Variants in SLC7A6 observed in about 807,000 individuals in gnomAD.
SLC7A6 encodes solute carrier family 7 member 6, also known as Y+L amino acid transporter 2.
In SLC7A6, 29 loss-of-function variants were observed where a neutral mutation model predicts 46.6. The ratio of observed to expected loss-of-function variants is 0.62; its 90% CI spans 0.46 to 0.85. The LOEUF (loss-of-function observed/expected upper bound fraction) is 0.85. Ranked by LOEUF, SLC7A6 falls within the 40% of genes least tolerant of loss-of-function variation. The pLI is 0.00. For synonymous variants in SLC7A6, 276 were observed against 257.3 expected (o/e 1.07, Z -0.70); for missense variants, 527 against 647.6 (o/e 0.81, Z 2.02).
intron 3 of SLC7A6, chr16:68,284,665 A>T: frequency 1.0e-6 from 1 of 985,256 alleles, no homozygotes; most frequent in Non-Finnish European, 1.2e-6. Flanking sequence ...AGTGGGTCTG[A>T]GGAGTGTATC....
chr16:68,293,959 G>A (rs1455989253), intron 7 of SLC7A6, among the ~76,000 whole-genome samples: 1 of 152,070 alleles, frequency 6.6e-6, no homozygotes, highest in Non-Finnish European at 1.5e-5. Context: ...GTGCAATGGT[G>A]CGATCTCGGC....
Position 68,275,213 on chromosome 16 carries a change from T to C in SLC7A6, c.487T>C (p.Tyr163His). 1 of 1,577,542 alleles carries C rather than the reference T, an allele frequency of 6.3e-7. No homozygotes were observed. The highest frequency in any genetic ancestry group is 1.7e-5 in the Admixed American group (1 of 58,892). Residue 163 changes from tyrosine (Y) to histidine (H), a missense_variant, in exon 3 of 11, where the codon TAC (tyrosine) becomes CAC (histidine). Tyr to His is a moderately conservative substitution (Grantham distance 83). Coordinates refer to ENST00000219343, the MANE Select transcript of SLC7A6 (RefSeq NM_003983.6). ...GTCCTTCCCCAGCTGTGATCCCCCA[T>C]ACCTGGCCTGCCGTCTCCTGGCTGC... ...QPSFPSCDPP[Y>H]LACRLLAAAC... is the part of the protein sequence containing the mutation.
chr16:68,291,857 C>T, intron 7 of SLC7A6, 196 bp downstream of exon 7: 1 of 563,162 alleles, frequency 1.8e-6, no homozygotes, highest in East Asian at 2.9e-5. Context: ...ATGCTGGTAG[C>T]TCATGTTTCC....
At chr16:68,286,600 T>C (rs1211816410) in intron 3 of SLC7A6, among the ~76,000 whole-genome samples, 1 of 152,234 alleles carries the variant, frequency 6.6e-6, no homozygotes, top group African/African-American at 2.4e-5. Flanking sequence ...CAGATGTCAC[T>C]GCGTTCCTTC....
At chr16:68,293,992 G>A (rs963849167) in intron 7 of SLC7A6, among the ~76,000 whole-genome samples, 9 of 152,140 alleles carry the variant, frequency 5.9e-5, no homozygotes, top group Non-Finnish European at 1.0e-4. Context: ...CCGCCTCCTG[G>A]ATTCAAGTGA....
At position 68,294,786 on chromosome 16, in the gene SLC7A6, T is replaced by TG; in HGVS notation, c.1105dup (p.Ala369GlyfsTer79). 1.9e-6 allele frequency: 3 copies of TG among 1,613,412 alleles called. No individual in the cohort carries two copies. Among genetic ancestry groups the TG allele is most frequent in the Non-Finnish European group, 2.5e-6 (3 of 1,179,318 alleles). On this transcript the variant is annotated frameshift_variant, in exon 8 of 11. Transcript: ENST00000219343. LOFTEE classifies it high-confidence loss of function. ...ACATTGAGCGTTTTACACCTATCCCTGCTTTACTGTTCAATGTAAGCTTTG... is the reference window on the plus strand; with the variant it reads ...ACATTGAGCGTTTTACACCTATCCCTGGCTTTACTGTTCAATGTAAGCTTTG...
In SLC7A6 at chr16:68,299,035, A is replaced by G. The variant is rs2043223533; in HGVS notation, c.*1707A>G. 2 of 152,616 alleles carry G rather than the reference A, an allele frequency of 1.3e-5. No homozygotes were observed. The highest frequency in any genetic ancestry group is 4.8e-5 in the African/African-American group (2 of 41,440). The allele number at this position is 152,616 out of a possible 1,614,324, so 9.5% of individuals were successfully genotyped here. A position where few individuals can be genotyped will look rare whatever the true frequency, so the allele number is the denominator to read the frequency against. The stretch of plus-strand genomic sequence containing the variant: ...ATGGTCATAGTTGCCCTGGGTTCAG[A>G]GCATAATGCATATGTGAAGCATGGG... On this transcript the variant is annotated 3_prime_UTR_variant, in exon 11 of 11. Transcript: ENST00000219343.
At position 68,301,106 on chromosome 16, in the gene SLC7A6, C is replaced by T. The variant is rs540107508; in HGVS notation, c.*3778C>T. The T allele has an allele frequency of 7.4e-7, 1 of 1,343,594 alleles. No homozygotes were observed. Among genetic ancestry groups the T allele is most frequent in the African/African-American group, 1.5e-5 (1 of 67,598 alleles). 83.2% of individuals were successfully genotyped at this position (1,343,594 alleles called of 1,614,324 possible). A position where few individuals can be genotyped will look rare whatever the true frequency, so the allele number is the denominator to read the frequency against. ...ACTGTAAGTGGAAAAGACTCACTCC[C>T]CTAACATAAGTTTTCACTGTGGTGG... is the stretch of plus-strand genomic sequence containing the variant. On this transcript the variant is annotated 3_prime_UTR_variant, in exon 11 of 11. Transcript: ENST00000219343.
At chr16:68,282,428 C>A (rs533443543) in intron 3 of SLC7A6, among the ~76,000 whole-genome samples, 74 of 152,000 alleles carry the variant, frequency 4.9e-4, no homozygotes, top group African/African-American at 1.4e-3. Flanking sequence ...AAACAAAAAA[C>A]CACAAAAAAA....
At chr16:68,282,511 G>A (rs1288990560) in intron 3 of SLC7A6, among the ~76,000 whole-genome samples, 4 of 152,182 alleles carry the variant, frequency 2.6e-5, no homozygotes, top group Non-Finnish European at 5.9e-5. Flanking sequence ...CTGATTCTGG[G>A]ATCCCCATTT....
In SLC7A6 at chr16:68,291,589, G is replaced by A; in HGVS notation, c.950G>A (p.Ser317Asn). ...GCTGACCAGACGTTTGGCATGTTCA[G>A]CTGGACCATCCCCATTGCTGTTGCC... The part of the protein sequence containing the change: ...TFADQTFGMF[S>N]WTIPIAVALS... Residue 317 changes from serine to asparagine, a missense_variant, in exon 7 of 11, where the codon AGC becomes AAC. Transcript: ENST00000219343. 1.2e-6 allele frequency: 2 copies of A among 1,614,170 alleles called. No individual in the cohort carries two copies. Among genetic ancestry groups the A allele is most frequent in the Non-Finnish European group, 1.7e-6 (2 of 1,180,026 alleles).
chr16:68,293,842 C>T (rs894463006), intron 7 of SLC7A6, among the ~76,000 whole-genome samples: 11 of 152,216 alleles, frequency 7.2e-5, no homozygotes, highest in South Asian at 2.1e-4. Context: ...GAGTGAGTGT[C>T]GTGTACTCCA....
chr16:68,291,762 G>GTGTGTGTGTGTGTGTGTGTGTGTGTGTGT, intron 7 of SLC7A6, 101 bp downstream of exon 7: 6 of 545,990 alleles, frequency 1.1e-5, no homozygotes, highest in African/African-American at 2.2e-5. Flanking sequence ...GGGCATATAG[G>GTGTGTGTGTGTGTGTGTGTGTGTGTGTGT]GTGTGTGTGT....
At chr16:68,281,880 T>C (rs1396544405) in intron 3 of SLC7A6, among the ~76,000 whole-genome samples, 1 of 152,238 alleles carries the variant, frequency 6.6e-6, no homozygotes, top group African/African-American at 2.4e-5. Context: ...AAGTAGTTCA[T>C]TGCTGACACA....
chr16:68,300,765 T>C lies in SLC7A6; in HGVS notation c.*3437T>C, dbSNP rs1231245440. On this transcript the variant is annotated 3_prime_UTR_variant, in exon 11 of 11. Transcript: ENST00000219343. ...ATAGCTGTTAACTAAAATCTCCCAC[T>C]GCTCAGACTACTTTCTGCCCTAATG... 23 of 985,534 alleles carry C rather than the reference T, an allele frequency of 2.3e-5. No homozygotes were observed. Among genetic ancestry groups the C allele is most frequent in the Non-Finnish European group, 2.7e-5 (22 of 829,992 alleles). 61.0% of individuals were successfully genotyped at this position (985,534 alleles called of 1,614,324 possible).
At chr16:68,283,785 G>T (rs1260671297) in intron 3 of SLC7A6, among the ~76,000 whole-genome samples, 1 of 152,240 alleles carries the variant, frequency 6.6e-6, no homozygotes, top group Non-Finnish European at 1.5e-5. Flanking sequence ...ATGAGATCAG[G>T]AGAAGAGGGA....
intron 2 of SLC7A6, among the ~76,000 whole-genome samples, chr16:68,269,285 T>C (rs771530028): frequency 2.6e-5 from 4 of 152,198 alleles, no homozygotes; most frequent in Non-Finnish European, 5.9e-5. Flanking sequence ...TTCCTCTTGA[T>C]AGTGGGTTGT....
chr16:68,274,995 T>TG lies in SLC7A6; in HGVS notation c.269_270insG (p.Phe90LeufsTer47). ...ATTGTGTGGGCCATTGGTGGGCTCTTCTCTGTTGTGGGTGCCCTTTGTTAT... is the reference window on the plus strand; with the variant it reads ...ATTGTGTGGGCCATTGGTGGGCTCTTGCTCTGTTGTGGGTGCCCTTTGTTAT... On this transcript the variant is annotated frameshift_variant, in exon 3 of 11. Coordinates refer to ENST00000219343, the MANE Select transcript of SLC7A6 (RefSeq NM_003983.6). LOFTEE classifies it high-confidence loss of function. 2 of 1,614,186 alleles carry TG rather than the reference T, an allele frequency of 1.2e-6. No homozygotes were observed. The highest frequency in any genetic ancestry group is 1.7e-6 in the Non-Finnish European group (2 of 1,180,030).
At chr16:68,280,796 G>A (rs1422367121) in intron 3 of SLC7A6, among the ~76,000 whole-genome samples, 1 of 151,460 alleles carries the variant, frequency 6.6e-6, no homozygotes, top group African/African-American at 2.4e-5. Flanking sequence ...GTGCAGTGGC[G>A]CGATCTCGGC....
Sources: gnomAD v4.1 joint callset for allele counts (sites outside exome capture counted in the v4.1 genomes callset) on GRCh38, gnomAD v4.1.1 for gene constraint, MANE v1.5 for transcripts, NCBI Gene and HGNC (gene_info 2026-07-23, HGNC 2026-07-21) for gene names.